The following LAMB4 variants were observed in gnomAD, a reference collection of about 807,000 sequenced individuals.
LAMB4 encodes laminin subunit beta 4.
In LAMB4, 196 loss-of-function variants were observed where a neutral mutation model predicts 199.2. That is an observed-to-expected ratio of 0.98 (90% CI 0.88 to 1.11). LAMB4 has a LOEUF of 1.11. Ranked by LOEUF, LAMB4 falls within the 50% of genes least tolerant of loss-of-function variation. LAMB4 has a pLI of 0.00. For missense variants in LAMB4, 2,080 were observed against 2,171.2 expected, an observed-to-expected ratio of 0.96 and a Z score of 0.83; for synonymous variants, 744 against 770.6, an observed-to-expected ratio of 0.97 and a Z score of 0.57.
chr7:108,034,273 G>A lies in LAMB4; in HGVS notation c.4753C>T (p.Arg1585Trp), dbSNP rs140745252. Residue 1585 changes from arginine to tryptophan, a missense_variant, in exon 31 of 34, where the codon CGG becomes TGG. Physicochemically the swap from Arg to Trp is moderately radical, Grantham distance 101. Transcript: ENST00000388781. ...QLQQAQITQG[R>W]ANSTITQLTA... Reference sequence around the variant, plus strand: ...AGCTGTGTAATGGTAGAGTTTGCCCGTCCTTGAGTGATTTGAGCTTGTTGT... The same window carrying A: ...AGCTGTGTAATGGTAGAGTTTGCCCATCCTTGAGTGATTTGAGCTTGTTGT... 1.3e-4 allele frequency: 214 copies of A among 1,613,434 alleles called. No homozygotes were observed. The highest frequency in any genetic ancestry group is 1.2e-3 in the African/African-American group (93 of 74,942).
chr7:108,086,181 G>A (rs2037169480), intron 14 of LAMB4, among the ~76,000 whole-genome samples: 1 of 152,184 alleles, frequency 6.6e-6, no homozygotes, highest in Non-Finnish European at 1.5e-5. Context: ...GAACGCAACA[G>A]GCCAGCCCTG....
chr7:108,111,765 T>A (rs1387530063), intron 4 of LAMB4, 46 bp downstream of exon 4: 7 of 1,540,634 alleles, frequency 4.5e-6, no homozygotes, highest in Non-Finnish European at 1.8e-6. Context: ...GATGTCATAT[T>A]AAAATATTGA....
intron 26 of LAMB4, 83 bp downstream of exon 26, chr7:108,052,014 C>A: frequency 9.2e-7 from 1 of 1,089,508 alleles, no homozygotes. Context: ...TGGTGGTAAG[C>A]AGGGGACGAC....
chr7:108,051,489 T>G (rs1014700111), intron 26 of LAMB4, among the ~76,000 whole-genome samples: 1 of 152,212 alleles, frequency 6.6e-6, no homozygotes, highest in Admixed American at 6.5e-5. Context: ...TTTCCAAATA[T>G]AACAGGGGTA....
rs565774101 is a variant in LAMB4, at chr7:108,063,464, C to T, written c.3061+297G>A. 3.9e-5 allele frequency among the ~76,000 whole-genome samples: 6 copies of T among 152,288 alleles called. No homozygotes were observed. The East Asian group carries it at 7.7e-4, about 20-fold the overall frequency. On this transcript the variant is annotated intron_variant, in intron 22 of 33. Coordinates refer to ENST00000388781, the MANE Select transcript of LAMB4 (RefSeq NM_007356.3). Reference sequence around the variant, plus strand: ...CCACTGCTCTGGCACAGGTGAACTGCGGACTAAACTCTGAGAAACAACGCT... The same window carrying T: ...CCACTGCTCTGGCACAGGTGAACTGTGGACTAAACTCTGAGAAACAACGCT...
chr7:108,109,181 A>G lies in LAMB4; in HGVS notation c.392T>C (p.Leu131Pro), dbSNP rs768319315. ...CCTATTAGTCTGTACCTTAAAGGTC[A>G]GGATAAGGTGGCTGAACCGAAATAA... ...EALFRFSHLI[L>P]TFKTFRPAAM... The change falls in exon 5 of 34, where the codon CTG (leucine) becomes CCG (proline). Residue 131 changes from leucine to proline, a missense_variant. Transcript: ENST00000388781. The G allele has an allele frequency of 9.3e-6, 15 of 1,609,618 alleles. No homozygotes were observed. The highest frequency in any genetic ancestry group is 1.3e-5 in the Non-Finnish European group (15 of 1,176,184).
chr7:108,098,608 T>C, intron 10 of LAMB4, 26 bp from the exon 11 acceptor site: 1 of 1,553,674 alleles, frequency 6.4e-7, no homozygotes, highest in Non-Finnish European at 8.7e-7. Context: ...TTCATTGTTT[T>C]AGTTAATTGC....
At chr7:108,012,119 AAAC>A in the LAMB4 span, among the ~76,000 whole-genome samples, 371 of 150,200 alleles carry the variant, frequency 2.5e-3, 1 homozygote, top group African/African-American at 8.4e-3. Context: ...GAGGCATAGC[AAAC>A]AACAACATAA....
chr7:108,057,955 T>C (rs775280857), intron 23 of LAMB4, 27 bp from the exon 24 acceptor site: 1 of 1,499,454 alleles, frequency 6.7e-7, no homozygotes, highest in South Asian at 1.1e-5. Flanking sequence ...GGGTGAGGAA[T>C]TGACAAGTTT....
At position 108,029,159 on chromosome 7, in the gene LAMB4, T is replaced by C; in HGVS notation, c.5030A>G (p.Gln1677Arg). ...TAGTCCTGTAGTGCTTGTCTTACGTTGGAGAATAGCATATTGTTTTTTCAG... is the reference window on the plus strand; with the variant it reads ...TAGTCCTGTAGTGCTTGTCTTACGTCGGAGAATAGCATATTGTTTTTTCAG... The part of the protein sequence containing the change: ...VELKKQYAIL[Q>R]RKTSTTGLTK... The change falls in exon 33 of 34, where the codon CAA becomes CGA. Residue 1677 changes from glutamine (Q) to arginine (R), a missense_variant. Physicochemically the swap from Gln to Arg is conservative, Grantham distance 43. Transcript: ENST00000388781. 2 of 1,613,414 alleles carry C rather than the reference T, an allele frequency of 1.2e-6. No individual in the cohort carries two copies. Among genetic ancestry groups the C allele is most frequent in the East Asian group, 4.5e-5 (2 of 44,834 alleles).
chr7:108,063,903 G>T lies in LAMB4; in HGVS notation c.2919C>A (p.Asn973Lys), dbSNP rs769259773. 6.2e-7 allele frequency: 1 copy of T among 1,614,188 alleles called. No individual in the cohort carries two copies. Among genetic ancestry groups the T allele is most frequent in the East Asian group, 2.2e-5 (1 of 44,878 alleles). ...SGAPCQPCAC[N>K]NNIDVTDPES... is the part of the protein sequence containing the mutation. ...CTGGATCGGTTACATCTATGTTGTT[G>T]TTGCAGGCACATGGTTGGCAAGGTG... is the stretch of plus-strand genomic sequence containing the variant. Residue 973 changes from asparagine to lysine, a missense_variant, in exon 22 of 34, where the codon AAC becomes AAA. Transcript: ENST00000388781.
intron 2 of LAMB4, among the ~76,000 whole-genome samples, chr7:108,121,565 C>G (rs962789588): frequency 3.9e-5 from 6 of 152,062 alleles, no homozygotes; most frequent in African/African-American, 1.4e-4. Context: ...GCCTGGCCAA[C>G]ATGGTGAAAC....
At chr7:108,087,611 C>T (rs939070643) in intron 14 of LAMB4, among the ~76,000 whole-genome samples, 1 of 152,178 alleles carries the variant, frequency 6.6e-6, no homozygotes, top group Non-Finnish European at 1.5e-5. Flanking sequence ...ATCTCTCTGC[C>T]ACTGATGCCA....
intron 30 of LAMB4, among the ~76,000 whole-genome samples, chr7:108,035,556 A>AG (rs2035192485): frequency 6.6e-6 from 1 of 150,864 alleles, no homozygotes; most frequent in Non-Finnish European, 1.5e-5. Context: ...GAAAAAAAAA[A>AG]AAAAAGATTT....
chr7:108,050,675 A>C (rs1209295949), intron 26 of LAMB4, among the ~76,000 whole-genome samples: 2 of 152,140 alleles, frequency 1.3e-5, no homozygotes, highest in Non-Finnish European at 2.9e-5. Flanking sequence ...TATCTTTCAA[A>C]CTTTTCTGGT....
At chr7:108,029,955 T>C (rs181827747) in intron 32 of LAMB4, among the ~76,000 whole-genome samples, 1 of 151,932 alleles carries the variant, frequency 6.6e-6, no homozygotes, top group African/African-American at 2.4e-5. Context: ...CTGTCTCTAC[T>C]AAAAATACAA....
At chr7:108,107,849 T>C in intron 5 of LAMB4, 30 bp from the exon 6 acceptor site, 1 of 1,485,834 alleles carries the variant, frequency 6.7e-7, no homozygotes, top group Non-Finnish European at 9.1e-7. Flanking sequence ...GTTGGCACAT[T>C]TCACAAAGGC....
At position 108,074,574 on chromosome 7, in the gene LAMB4, G is replaced by T. The variant is rs151170785; in HGVS notation, c.2124+2370C>A. Among the ~76,000 whole-genome samples the T allele has an allele frequency of 2.5e-3, 376 of 152,136 alleles. 4 individuals carry two copies. Among genetic ancestry groups the T allele is most frequent in the African/African-American group, 8.6e-3 (356 of 41,498 alleles). On this transcript the variant is annotated intron_variant, in intron 17 of 33. Coordinates refer to ENST00000388781, the MANE Select transcript of LAMB4 (RefSeq NM_007356.3). Reference sequence around the variant, plus strand: ...AGTAGAGACGGGGTTTCGCCATGTTGCCTAGTCTGGTCTTGAATACCTGGC... The same window carrying T: ...AGTAGAGACGGGGTTTCGCCATGTTTCCTAGTCTGGTCTTGAATACCTGGC...
chr7:108,058,053 A>G lies in LAMB4; in HGVS notation c.3283-125T>C, dbSNP rs563354487. 3.6e-5 allele frequency: 24 copies of G among 673,888 alleles called. No homozygotes were observed. The African/African-American group carries it at 3.6e-4, about 10-fold the overall frequency. The allele number at this position is 673,888 out of a possible 1,614,324, so 41.7% of individuals were successfully genotyped here. ...ACAGCTGTGCAAAGGCGGAGGAAGG[A>G]TGATTCCCATGTCCAGCAGCCACCC... On this transcript the variant is annotated intron_variant, in intron 23 of 33. Transcript: ENST00000388781.
Sources: allele counts gnomAD v4.1 joint callset (sites outside exome capture counted in the v4.1 genomes callset), GRCh38; gene constraint gnomAD v4.1.1; transcripts MANE v1.5; gene names NCBI Gene and HGNC (gene_info 2026-07-23, HGNC 2026-07-21).